Variants in CSMD3 observed in about 807,000 individuals in gnomAD.
CSMD3 encodes CUB and sushi domain-containing protein 3.
A neutral mutation model predicts 435.2 loss-of-function variants in CSMD3; 177 were observed. The observed-to-expected ratio is 0.41, with a 90% CI of 0.36 to 0.46. CSMD3 has a LOEUF of 0.46. CSMD3 is among the 20% of genes least tolerant of loss of function. The pLI, the probability that CSMD3 is intolerant of heterozygous loss-of-function variation, is 0.34. For synonymous variants in CSMD3, 1,656 were observed against 1,520.5 expected (o/e 1.09, Z -2.07); for missense variants, 4,265 against 4,504.6 (o/e 0.95, Z 1.52).
intron 38 of CSMD3, among the ~76,000 whole-genome samples, chr8:112,359,797 ATTAG>A (rs914467613): frequency 2.6e-5 from 4 of 152,060 alleles, no homozygotes; most frequent in African/African-American, 9.7e-5. Context: ...CAGTGCCTTA[ATTAG>A]TTAGGTCTCC....
intron 2 of CSMD3, among the ~76,000 whole-genome samples, chr8:113,295,609 A>G (rs924333413): frequency 7.2e-5 from 11 of 152,188 alleles, no homozygotes; most frequent in Non-Finnish European, 2.9e-5. Context: ...GTAGAAAACT[A>G]GGGCCAGCAT....
intron 18 of CSMD3, among the ~76,000 whole-genome samples, chr8:112,655,893 A>C (rs545703366): frequency 2.7e-4 from 41 of 152,114 alleles, no homozygotes; most frequent in Non-Finnish European, 4.7e-4. Flanking sequence ...ATTGGTACAA[A>C]ACCTCATTTT....
chr8:113,395,314 T>G (rs1421782837), intron 1 of CSMD3, among the ~76,000 whole-genome samples: 1 of 151,998 alleles, frequency 6.6e-6, no homozygotes, highest in African/African-American at 2.4e-5. Context: ...AATTTAAAAA[T>G]TGGAAATCTA....
chr8:112,697,075 C>A (rs1586995629), intron 13 of CSMD3, among the ~76,000 whole-genome samples: 1 of 149,488 alleles, frequency 6.7e-6, no homozygotes, highest in African/African-American at 2.5e-5. Flanking sequence ...AGTCAGGAAA[C>A]AACAGGTGCT....
chr8:112,649,035 C>A (rs1029473113), intron 19 of CSMD3, among the ~76,000 whole-genome samples: 1 of 152,198 alleles, frequency 6.6e-6, no homozygotes, highest in African/African-American at 2.4e-5. Context: ...GGGCTATCAA[C>A]TTCCATCTGC....
intron 13 of CSMD3, among the ~76,000 whole-genome samples, chr8:112,747,673 A>C (rs2077464359): frequency 6.6e-6 from 1 of 152,110 alleles, no homozygotes; most frequent in Non-Finnish European, 1.5e-5. Flanking sequence ...TCTCTATAAA[A>C]CTTTATTTAT....
chr8:112,361,568 CATACATATATATATATATATATATATAT>C (rs1315759561), intron 38 of CSMD3, among the ~76,000 whole-genome samples: 3 of 35,594 alleles, frequency 8.4e-5, no homozygotes, highest in Admixed American at 6.0e-4. Flanking sequence ...TATATATACA[CATACATATATATATATATATATATATAT>C]ATATATATAT....
chr8:113,036,135 A>G (rs529097253), intron 5 of CSMD3, among the ~76,000 whole-genome samples: 35 of 152,062 alleles, frequency 2.3e-4, no homozygotes, highest in African/African-American at 8.2e-4. Context: ...TTTTCATTGG[A>G]CTAACTAAAT....
At chr8:113,354,815 T>C (rs1429202845) in intron 1 of CSMD3, among the ~76,000 whole-genome samples, 2 of 152,042 alleles carry the variant, frequency 1.3e-5, no homozygotes, top group East Asian at 3.9e-4. Flanking sequence ...ATTTTTTTTT[T>C]CTTTGTAGAC....
chr8:113,363,527 G>A (rs1251520414), intron 1 of CSMD3, among the ~76,000 whole-genome samples: 2 of 152,128 alleles, frequency 1.3e-5, no homozygotes, highest in African/African-American at 4.8e-5. Context: ...GAAGGGCCTT[G>A]TTCCCGGAGG....
intron 1 of CSMD3, among the ~76,000 whole-genome samples, chr8:113,337,126 T>C (rs989281381): frequency 1.3e-5 from 2 of 152,122 alleles, no homozygotes. Flanking sequence ...ATTTCCAAGT[T>C]ACTGGCTTAT....
chr8:113,353,613 A>G (rs2094203445), intron 1 of CSMD3, among the ~76,000 whole-genome samples: 1 of 152,164 alleles, frequency 6.6e-6, no homozygotes, highest in South Asian at 2.1e-4. Flanking sequence ...TTTATTCAAA[A>G]CTATTTCTAC....
At chr8:113,304,762 G>T (rs868002499) in intron 2 of CSMD3, among the ~76,000 whole-genome samples, 2 of 110,522 alleles carry the variant, frequency 1.8e-5, no homozygotes, top group African/African-American at 3.5e-5. Flanking sequence ...TGGGGACTGT[G>T]GTGGGGTCGG....
At chr8:112,395,125 ATC>A (rs1417791269) in intron 35 of CSMD3, among the ~76,000 whole-genome samples, 1 of 152,188 alleles carries the variant, frequency 6.6e-6, no homozygotes. Context: ...TAACATTTGC[ATC>A]CTGTTTTTTA....
chr8:112,519,947 A>T (rs1229683593), intron 27 of CSMD3, among the ~76,000 whole-genome samples: 3 of 152,176 alleles, frequency 2.0e-5, no homozygotes, highest in Non-Finnish European at 4.4e-5. Context: ...TCTCTGAAAC[A>T]TGCTATTAAT....
chr8:113,402,422 T>C (rs1444226054), intron 1 of CSMD3, among the ~76,000 whole-genome samples: 1 of 151,366 alleles, frequency 6.6e-6, no homozygotes. Context: ...AAAATGCAGA[T>C]CTTCATAACA....
At chr8:112,439,793 A>T (rs2130488074) in intron 32 of CSMD3, among the ~76,000 whole-genome samples, 1 of 152,258 alleles carries the variant, frequency 6.6e-6, no homozygotes, top group African/African-American at 2.4e-5. Flanking sequence ...AGCTCTTATG[A>T]GAACTCACTC....
At chr8:113,136,543 T>C (rs2091423055) in intron 4 of CSMD3, among the ~76,000 whole-genome samples, 1 of 151,496 alleles carries the variant, frequency 6.6e-6, no homozygotes, top group African/African-American at 2.4e-5. Context: ...AGAAACTAAG[T>C]AGGATGAAAA....
chr8:113,278,710 A>G lies in CSMD3; in HGVS notation c.402-6T>C, dbSNP rs887569986. On this transcript the variant is annotated splice_region_variant and splice_polypyrimidine_tract_variant and intron_variant, in intron 2 of 70. Transcript: ENST00000297405. The stretch of plus-strand genomic sequence containing the variant: ...GCAGATGGAATCCTGTTAACCTAAA[A>G]CAAAATGGAATTAATTGTTAGAGAC... 2 of 1,290,930 alleles carry G rather than the reference A, an allele frequency of 1.5e-6. No homozygotes were observed. The highest frequency in any genetic ancestry group is 1.5e-5 in the African/African-American group (1 of 68,620). 80.0% of individuals were successfully genotyped at this position (1,290,930 alleles called of 1,614,324 possible).
Sources: gnomAD v4.1 joint callset for allele counts (sites outside exome capture counted in the v4.1 genomes callset) on GRCh38, gnomAD v4.1.1 for gene constraint, MANE v1.5 for transcripts, NCBI Gene and HGNC (gene_info 2026-07-23, HGNC 2026-07-21) for gene names.